The following MTMR2 variants were observed in gnomAD, a reference collection of about 807,000 sequenced individuals.
The protein encoded by MTMR2 is myotubularin related protein 2.
In MTMR2, 55 loss-of-function variants were observed where a neutral mutation model predicts 86.9. The observed-to-expected ratio is 0.63, with a 90% CI of 0.51 to 0.79. MTMR2 has a LOEUF of 0.79. Ranked by LOEUF, MTMR2 falls within the 30% of genes least tolerant of loss-of-function variation. The probability of loss-of-function intolerance (pLI) is 0.00; values close to 1 mark genes in which losing one functional copy is unlikely to be tolerated. For missense variants in MTMR2, 659 were observed against 772.3 expected, an observed-to-expected ratio of 0.85 and a Z score of 1.74; for synonymous variants, 241 against 266.8, an observed-to-expected ratio of 0.90 and a Z score of 0.94.
At chr11:95,907,862 C>A (rs1343300684) in intron 1 of MTMR2, 3 of 444,084 alleles carry the variant, frequency 6.8e-6, no homozygotes, top group Non-Finnish European at 1.4e-5. Flanking sequence ...AGGAACATAC[C>A]TCAAAATAGT....
chr11:95,842,800 G>A (rs1218582131), intron 11 of MTMR2, among the ~76,000 whole-genome samples: 1 of 152,166 alleles, frequency 6.6e-6, no homozygotes, highest in Non-Finnish European at 1.5e-5. Context: ...AACTGCATTC[G>A]TACCCACTGT....
intron 2 of MTMR2, among the ~76,000 whole-genome samples, chr11:95,877,680 A>G (rs959222281): frequency 2.6e-5 from 4 of 152,130 alleles, no homozygotes; most frequent in African/African-American, 9.7e-5. Flanking sequence ...TCACAAGAAG[A>G]CAGCAATGTG....
intron 12 of MTMR2, among the ~76,000 whole-genome samples, chr11:95,841,284 C>T (rs917757874): frequency 1.3e-4 from 20 of 151,842 alleles, no homozygotes; most frequent in African/African-American, 4.8e-4. Context: ...TTTTATTTTG[C>T]TTGCGGTACC....
intron 14 of MTMR2, 104 bp downstream of exon 14, chr11:95,836,044 A>G (rs1863259170): frequency 1.8e-6 from 2 of 1,111,804 alleles, no homozygotes; most frequent in Admixed American, 1.7e-5. Context: ...ATGGGTAAGG[A>G]GTAAAGTTTT....
At chr11:95,902,719 G>A (rs1321290959) in intron 1 of MTMR2, among the ~76,000 whole-genome samples, 1 of 151,990 alleles carries the variant, frequency 6.6e-6, no homozygotes, top group Non-Finnish European at 1.5e-5. Flanking sequence ...TTTTACCTGA[G>A]GACACTGTTC....
intron 1 of MTMR2, among the ~76,000 whole-genome samples, chr11:95,901,824 C>G (rs980056825): frequency 6.6e-6 from 1 of 152,032 alleles, no homozygotes; most frequent in African/African-American, 2.4e-5. Context: ...TAAAGCTTAA[C>G]TGGATTTGGA....
rs536812926 is a variant in MTMR2, at chr11:95,861,059, C to T, written c.468+933G>A. Among the ~76,000 whole-genome samples the T allele has an allele frequency of 2.0e-5, 3 of 151,104 alleles. No homozygotes were observed. The South Asian group carries it at 6.2e-4, about 31-fold the overall frequency. On this transcript the variant is annotated intron_variant, in intron 5 of 14. Coordinates refer to ENST00000346299, the MANE Select transcript of MTMR2 (RefSeq NM_016156.6). ...CCTGTAGTCCCAGCTACTCGAGAGGCTGAGGCAGGAGAATCCCGTGAACCC... is the reference window on the plus strand; with the variant it reads ...CCTGTAGTCCCAGCTACTCGAGAGGTTGAGGCAGGAGAATCCCGTGAACCC...
At chr11:95,872,916 T>G (rs1864947370) in intron 2 of MTMR2, among the ~76,000 whole-genome samples, 1 of 152,204 alleles carries the variant, frequency 6.6e-6, no homozygotes, top group South Asian at 2.1e-4. Context: ...TGGATTACGT[T>G]TATTGATTTG....
intron 10 of MTMR2, among the ~76,000 whole-genome samples, chr11:95,846,621 T>C (rs1009214046): frequency 1.6e-4 from 25 of 152,172 alleles, no homozygotes; most frequent in African/African-American, 5.5e-4. Flanking sequence ...TTAGCCCAAC[T>C]ATATGTCTTA....
chr11:95,877,363 T>TTTTTTTTTA (rs869076328), intron 2 of MTMR2, among the ~76,000 whole-genome samples: 2 of 142,690 alleles, frequency 1.4e-5, no homozygotes, highest in African/African-American at 5.3e-5. Flanking sequence ...TTTTTTTTTT[T>TTTTTTTTTA]ATATAACACA....
At chr11:95,839,542 A>G (rs1863447160) in intron 12 of MTMR2, among the ~76,000 whole-genome samples, 1 of 152,134 alleles carries the variant, frequency 6.6e-6, no homozygotes, top group Non-Finnish European at 1.5e-5. Context: ...ATAGCAGGGC[A>G]TTAACTGCAG....
intron 1 of MTMR2, among the ~76,000 whole-genome samples, chr11:95,912,352 TC>T (rs1394942642): frequency 6.6e-6 from 1 of 151,938 alleles, no homozygotes; most frequent in African/African-American, 2.4e-5. Flanking sequence ...CAATCTTGTT[TC>T]CATGGTTATG....
At chr11:95,841,474 C>CA in intron 12 of MTMR2, 143 bp downstream of exon 12, 1 of 736,116 alleles carries the variant, frequency 1.4e-6, no homozygotes, top group Non-Finnish European at 2.5e-6. Flanking sequence ...CATAATGTGA[C>CA]AATAAATAGC....
At chr11:95,872,298 G>A (rs1178261847) in intron 2 of MTMR2, among the ~76,000 whole-genome samples, 1 of 152,134 alleles carries the variant, frequency 6.6e-6, no homozygotes, top group South Asian at 2.1e-4. Flanking sequence ...TTATTTCATT[G>A]AGCAGTGGTT....
chr11:95,841,691 T>C lies in MTMR2; in HGVS notation c.1405A>G (p.Lys469Glu). 1.2e-6 allele frequency: 2 copies of C among 1,613,370 alleles called. No homozygotes were observed. The highest frequency in any genetic ancestry group is 1.7e-6 in the Non-Finnish European group (2 of 1,179,374). ...GATCTGTCTGCATCTGCATGGTTCT[T>C]ATCTCCATGGCCAACTCTCTGAAGC... ...RFQLRVGHGDKNHADADRSPV... is the reference protein window; with the variant it reads ...RFQLRVGHGDENHADADRSPV... Residue 469 changes from lysine (K) to glutamate (E), a missense_variant, in exon 12 of 15, where the codon AAG becomes GAG. Physicochemically the swap from Lys to Glu is moderately conservative, Grantham distance 56 (BLOSUM62 1). Around this residue, in one of 3 missense-constraint regions of MTMR2, gnomAD observed 387 missense variants for 526.3 expected, o/e 0.74. Coordinates refer to ENST00000346299, the MANE Select transcript of MTMR2 (RefSeq NM_016156.6).
intron 1 of MTMR2, 114 bp from the exon 2 acceptor site, chr11:95,888,375 T>C (rs1248108315): frequency 2.2e-5 from 16 of 736,790 alleles, no homozygotes; most frequent in Non-Finnish European, 3.8e-5. Context: ...GCCAACTAAG[T>C]TCTGCTTTGC....
chr11:95,849,297 G>C (rs1409753640), intron 9 of MTMR2, among the ~76,000 whole-genome samples: 1 of 151,982 alleles, frequency 6.6e-6, no homozygotes, highest in Non-Finnish European at 1.5e-5. Context: ...GCTATTCCTA[G>C]AGCAGTACTA....
In MTMR2 at chr11:95,924,090, C is replaced by T; in HGVS notation, c.-136G>A. 1 of 1,153,954 alleles carries T rather than the reference C, an allele frequency of 8.7e-7. No individual in the cohort carries two copies. Among genetic ancestry groups the T allele is most frequent in the African/African-American group, 1.5e-5 (1 of 66,080 alleles). The allele number at this position is 1,153,954 out of a possible 1,614,324, so 71.5% of individuals were successfully genotyped here. A position where few individuals can be genotyped will look rare whatever the true frequency, so the allele number is the denominator to read the frequency against. On this transcript the variant is annotated 5_prime_UTR_variant, in exon 1 of 15. The change abolishes an upstream ATG in the 5' untranslated region. Transcript: ENST00000346299. ...GCCCGGGAGGGAGACCGGAAGCGGC[C>T]ATGTTCCCCCAGAGTGCACCGCGCC...
intron 1 of MTMR2, among the ~76,000 whole-genome samples, chr11:95,891,960 G>A (rs1484935283): frequency 2.0e-5 from 3 of 152,146 alleles, no homozygotes; most frequent in African/African-American, 7.2e-5. Context: ...TGGTATAAAC[G>A]TAAAGTGCTG....
Sources: gnomAD v4.1 joint callset for allele counts (sites outside exome capture counted in the v4.1 genomes callset) on GRCh38, gnomAD v4.1.1 for gene constraint, gnomAD v4.1.1 regional missense constraint, MANE v1.5 for transcripts, NCBI Gene and HGNC (gene_info 2026-07-23, HGNC 2026-07-21) for gene names.